The following SCML2 variants were observed in gnomAD, a reference collection of about 807,000 sequenced individuals.
SCML2 encodes Scm polycomb group protein like 2, also known as sex comb on midleg-like protein 2.
In SCML2, 6 loss-of-function variants were observed where a neutral mutation model predicts 48.4. The ratio of observed to expected loss-of-function variants is 0.12; its 90% CI spans 0.07 to 0.24. The LOEUF is 0.24. Among genes scored for constraint, SCML2 ranks in the 10% least tolerant of loss-of-function variants. The pLI is 1.00. For missense variants in SCML2, 377 were observed against 528.2 expected, an observed-to-expected ratio of 0.71 and a Z score of 2.81; for synonymous variants, 181 against 189.5, an observed-to-expected ratio of 0.95 and a Z score of 0.37.
intron 7 of SCML2, among the ~76,000 whole-genome samples, chrX:18,293,839 GA>G (rs1928307222): frequency 8.9e-6 from 1 of 112,315 alleles, no homozygotes; most frequent in African/African-American, 3.2e-5. Context: ...AAAGTCAAAA[GA>G]ATGTCTTCAT....
intron 6 of SCML2, among the ~76,000 whole-genome samples, chrX:18,316,382 C>CT (rs1929122876): frequency 9.0e-6 from 1 of 111,645 alleles, no homozygotes; most frequent in Middle Eastern, 4.6e-3. Context: ...GAGTGAGACT[C>CT]TGTCTCAAAA....
At chrX:18,348,171 C>A (rs1930262512) in intron 1 of SCML2, among the ~76,000 whole-genome samples, 1 of 112,102 alleles carries the variant, frequency 8.9e-6, no homozygotes, top group Admixed American at 9.6e-5. Flanking sequence ...AGGCTAACTG[C>A]CCAAAGACCT....
intron 4 of SCML2, among the ~76,000 whole-genome samples, 167 bp from the exon 5 acceptor site, chrX:18,324,260 C>A (rs946580633): frequency 9.0e-6 from 1 of 111,434 alleles, no homozygotes; most frequent in African/African-American, 3.3e-5. Flanking sequence ...AAATTCTCTC[C>A]TTGGCTTGAC....
intron 11 of SCML2, among the ~76,000 whole-genome samples, chrX:18,254,650 A>G (rs1469006448): frequency 1.8e-5 from 2 of 112,070 alleles, no homozygotes; most frequent in Middle Eastern, 4.6e-3. Flanking sequence ...TGGGCCTGGC[A>G]TGGTGGCTCA....
intron 2 of SCML2, 99 bp downstream of exon 2, chrX:18,333,951 A>G (rs5909452): frequency 0.014 from 10,616 of 774,492 alleles, 68 homozygotes; most frequent in Non-Finnish European, 0.017. Flanking sequence ...CTATAAATTT[A>G]TTTTTTAAAG....
chrX:18,304,700 C>T (rs1175372731), intron 7 of SCML2, among the ~76,000 whole-genome samples: 1 of 112,094 alleles, frequency 8.9e-6, no homozygotes, highest in Non-Finnish European at 1.9e-5. Context: ...CTTATAGCAA[C>T]AAGACCTCAA....
chrX:18,299,692 C>CAA (rs140652776), intron 7 of SCML2, among the ~76,000 whole-genome samples: 57 of 101,893 alleles, frequency 5.6e-4, no homozygotes, highest in Admixed American at 3.8e-3. Context: ...ATTAAAAAGA[C>CAA]AAAAAAAAAG....
chrX:18,247,593 G>A (rs878963089), intron 12 of SCML2, among the ~76,000 whole-genome samples, 176 bp downstream of exon 12: 1 of 111,338 alleles, frequency 9.0e-6, no homozygotes, highest in East Asian at 2.8e-4. Flanking sequence ...AATGACAGCC[G>A]TCCACTTCTG....
chrX:18,282,466 C>T (rs1457064097), intron 7 of SCML2, among the ~76,000 whole-genome samples: 2 of 110,762 alleles, frequency 1.8e-5, no homozygotes, highest in East Asian at 2.8e-4. Context: ...AGTAAAACCC[C>T]GTCTCTATTA....
intron 6 of SCML2, among the ~76,000 whole-genome samples, chrX:18,307,678 T>C (rs1177796949): frequency 2.7e-5 from 3 of 111,708 alleles, no homozygotes; most frequent in Non-Finnish European, 5.6e-5. Flanking sequence ...ATTTTAAGAT[T>C]CAAATATGTA....
At chrX:18,274,923 G>A (rs1261050360) in intron 7 of SCML2, among the ~76,000 whole-genome samples, 12 of 111,491 alleles carry the variant, frequency 1.1e-4, no homozygotes, top group Non-Finnish European at 1.9e-5. Context: ...CTACCTGCAG[G>A]TTTCATCTAC....
chrX:18,343,228 A>G (rs1264233965), intron 1 of SCML2, among the ~76,000 whole-genome samples: 1 of 106,439 alleles, frequency 9.4e-6, no homozygotes, highest in Non-Finnish European at 1.9e-5. Context: ...TTGAGTCTCT[A>G]AAGATCACTA....
intron 1 of SCML2, among the ~76,000 whole-genome samples, chrX:18,334,766 ACACAATAT>A (rs1362415428): frequency 8.9e-6 from 1 of 112,150 alleles, no homozygotes; most frequent in Non-Finnish European, 1.9e-5. Context: ...TATGAACAAA[ACACAATAT>A]AAGTGCTATA....
intron 1 of SCML2, among the ~76,000 whole-genome samples, chrX:18,351,810 G>C (rs1401575398): frequency 9.0e-6 from 1 of 111,619 alleles, no homozygotes; most frequent in Non-Finnish European, 1.9e-5. Context: ...AAATAGTCAA[G>C]TGAAACTTTT....
At chrX:18,267,409 T>C (rs772315170) in intron 7 of SCML2, among the ~76,000 whole-genome samples, 54 of 110,807 alleles carry the variant, frequency 4.9e-4, no homozygotes, top group Non-Finnish European at 8.7e-4. Context: ...TTATCACCCT[T>C]TGATCTTTGA....
At chrX:18,275,070 C>T (rs1927584722) in intron 7 of SCML2, among the ~76,000 whole-genome samples, 1 of 111,733 alleles carries the variant, frequency 8.9e-6, no homozygotes, top group African/African-American at 3.3e-5. Flanking sequence ...AGCTGTCCCA[C>T]CTTTCTGGAC....
In SCML2 at chrX:18,282,248, A is replaced by C. The variant is rs187136883; in HGVS notation, c.731-16446T>G. ...CTAGCTAGGTTAACAAAGAAAAAAAAAGAGAAAATAGAAATAAGTACAATC... is the reference window on the plus strand; with the variant it reads ...CTAGCTAGGTTAACAAAGAAAAAAACAGAGAAAATAGAAATAAGTACAATC... On this transcript the variant is annotated intron_variant, in intron 7 of 14. Transcript: ENST00000251900. 3.1e-3 allele frequency among the ~76,000 whole-genome samples: 351 copies of C among 111,913 alleles called. 1 individual carries two copies. The highest frequency in any genetic ancestry group is 4.6e-3 in the Middle Eastern group (1 of 218).
At chrX:18,281,711 CA>C (rs762908673) in intron 7 of SCML2, among the ~76,000 whole-genome samples, 141 of 28,708 alleles carry the variant, frequency 4.9e-3, no homozygotes, top group Middle Eastern at 0.015. Context: ...GACTCTGTCT[CA>C]AAAAAAAAAA....
intron 7 of SCML2, among the ~76,000 whole-genome samples, chrX:18,275,427 C>G (rs888233450): frequency 4.4e-5 from 5 of 112,417 alleles, no homozygotes; most frequent in African/African-American, 1.6e-4. Flanking sequence ...AAAATTCTAG[C>G]AATAAGTTAC....
Sources: allele counts gnomAD v4.1 joint callset (sites outside exome capture counted in the v4.1 genomes callset), GRCh38; gene constraint gnomAD v4.1.1; transcripts MANE v1.5; gene names NCBI Gene and HGNC (gene_info 2026-07-23, HGNC 2026-07-21).